The following MYO15A variants were observed in gnomAD, a reference collection of about 807,000 sequenced individuals.
MYO15A encodes myosin XVA.
MYO15A carries 308 observed loss-of-function variants against 394.6 expected under a neutral mutation model. The ratio of observed to expected loss-of-function variants is 0.78; its 90% CI spans 0.71 to 0.86. The LOEUF is 0.86. Among genes scored for constraint, MYO15A ranks in the 40% least tolerant of loss-of-function variants. MYO15A has a pLI of 0.00. For missense variants in MYO15A, 4,606 were observed against 4,799.1 expected (o/e 0.96, Z 1.19); for synonymous variants, 1,957 against 2,003.8 (o/e 0.98, Z 0.62).
At chr17:18,154,012 G>A in intron 43 of MYO15A, 116 bp downstream of exon 43, 2 of 1,603,296 alleles carry the variant, frequency 1.2e-6, no homozygotes, top group Non-Finnish European at 8.5e-7. Context: ...GAAAAAGGCC[G>A]GGCTGAAACC....
At position 18,150,299 on chromosome 17, in the gene MYO15A, A is replaced by T; in HGVS notation, c.7213-130A>T. 1.3e-6 allele frequency: 1 copy of T among 789,762 alleles called. No individual in the cohort carries two copies. The highest frequency in any genetic ancestry group is 2.2e-6 in the Non-Finnish European group (1 of 452,516). 48.9% of individuals were successfully genotyped at this position (789,762 alleles called of 1,614,324 possible). A position where few individuals can be genotyped will look rare whatever the true frequency, so the allele number is the denominator to read the frequency against. On this transcript the variant is annotated intron_variant, in intron 35 of 65. Transcript: ENST00000647165. This position sits in a 1 kb window ranked among gnomAD's most constrained non-coding sequence, Gnocchi z 4.4. ...GGGGTAAAGGCTGAGCATACAGCAG[A>T]CACTGAGCCAGTGGGAGGCTGCCCC... is the stretch of plus-strand genomic sequence containing the variant.
intron 56 of MYO15A, 109 bp downstream of exon 56, chr17:18,160,126 C>A: frequency 9.4e-7 from 1 of 1,068,644 alleles, no homozygotes; most frequent in Non-Finnish European, 1.4e-6. Flanking sequence ...GATTATCTTC[C>A]TCTCACCCTC....
intron 65 of MYO15A, 57 bp from the exon 66 acceptor site, chr17:18,178,712 C>T: frequency 1.3e-6 from 2 of 1,542,580 alleles, no homozygotes; most frequent in Non-Finnish European, 1.8e-6. Context: ...ACTTCCCACC[C>T]CAAGGTAAGA....
chr17:18,154,320 G>A, intron 44 of MYO15A, 130 bp downstream of exon 44: 1 of 1,096,420 alleles, frequency 9.1e-7, no homozygotes, highest in Admixed American at 1.9e-5. Context: ...AGGATGGGCA[G>A]CTGTTTTATT....
chr17:18,174,030 A>G (rs1284202052), intron 65 of MYO15A, 109 bp downstream of exon 65: 2 of 1,450,038 alleles, frequency 1.4e-6, no homozygotes, highest in Non-Finnish European at 1.9e-6. Flanking sequence ...AGGCCAGTGC[A>G]TGGGACAGAA....
Position 18,163,818 on chromosome 17 carries a change from T to C in MYO15A, c.9767T>C (p.Ile3256Thr), listed in dbSNP as rs758768524. The C allele has an allele frequency of 2.0e-5, 33 of 1,613,894 alleles. No individual in the cohort carries two copies. Among genetic ancestry groups the C allele is most frequent in the Non-Finnish European group, 2.6e-5 (31 of 1,179,946 alleles). The change falls in exon 60 of 66, where the codon ATC becomes ACC. Residue 3256 changes from isoleucine (I) to threonine (T), a missense_variant. Around this residue, in one of 2 missense-constraint regions of MYO15A, gnomAD observed 2,776 missense variants for 3,109.3 expected, o/e 0.89. Coordinates refer to ENST00000647165, the MANE Select transcript of MYO15A (RefSeq NM_016239.4). ...CCTGAGGCCTTCAATGAATATGTTA[T>C]CTTCGTTGTCACCAACCGTGGTGAG... ...TRPEAFNEYV[I>T]FVVTNRGQHV...
chr17:18,179,026 C>T lies in MYO15A; in HGVS notation c.*156C>T. ...GAGGAGCAACTCAAATCCCCAAGAA[C>T]ACAAGAAGACCCATCCTGAACTGGG... On this transcript the variant is annotated 3_prime_UTR_variant, in exon 66 of 66. Coordinates refer to ENST00000647165, the MANE Select transcript of MYO15A (RefSeq NM_016239.4). 1.4e-6 allele frequency: 1 copy of T among 732,738 alleles called. No individual in the cohort carries two copies. The highest frequency in any genetic ancestry group is 2.4e-6 in the Non-Finnish European group (1 of 424,650). The allele number at this position is 732,738 out of a possible 1,614,324, so 45.4% of individuals were successfully genotyped here. A position where few individuals can be genotyped will look rare whatever the true frequency, so the allele number is the denominator to read the frequency against.
chr17:18,159,503 C>T (rs993383446), intron 54 of MYO15A, 103 bp from the exon 55 acceptor site: 7 of 1,497,632 alleles, frequency 4.7e-6, no homozygotes, highest in Non-Finnish European at 1.8e-6. Context: ...TCCCAGCTGC[C>T]TGTGGCCAAG....
rs760155856 is a variant in MYO15A at position 18,157,188 on chromosome 17, G to A, written c.8746G>A (p.Val2916Met). 6.2e-7 allele frequency: 1 copy of A among 1,610,832 alleles called. No individual in the cohort carries two copies. The highest frequency in any genetic ancestry group is 1.1e-5 in the South Asian group (1 of 90,502). Residue 2916 changes from valine (V) to methionine (M), a missense_variant, in exon 50 of 66, where the codon GTG becomes ATG. Physicochemically the swap from Val to Met is conservative, Grantham distance 21. Transcript: ENST00000647165. ...YSAGCVVRRKVVYLEELRRRG... is the reference protein window; with the variant it reads ...YSAGCVVRRKMVYLEELRRRG... ...TGCTGGCTGCGTGGTTCGCAGGAAG[G>A]TGGTGTACCTGGAGGAGCTGCGACG...
chr17:18,129,152 T>C (rs2046107010), intron 7 of MYO15A, among the ~76,000 whole-genome samples: 1 of 152,180 alleles, frequency 6.6e-6, no homozygotes, highest in South Asian at 2.1e-4. Flanking sequence ...AAATGAAACA[T>C]TCAGAGCTCC....
Position 18,178,943 on chromosome 17 carries a change from T to A in MYO15A, c.*73T>A. 1 of 1,451,868 alleles carries A rather than the reference T, an allele frequency of 6.9e-7. No individual in the cohort carries two copies. Among genetic ancestry groups the A allele is most frequent in the Non-Finnish European group, 9.5e-7 (1 of 1,052,150 alleles). The allele number at this position is 1,451,868 out of a possible 1,614,324, so 89.9% of individuals were successfully genotyped here. ...GGCCTCAGAGAAATCACTGAACCTC[T>A]CAGGATCAATGACCCCTGTAAGGGG... On this transcript the variant is annotated 3_prime_UTR_variant, in exon 66 of 66. Coordinates refer to ENST00000647165, the MANE Select transcript of MYO15A (RefSeq NM_016239.4).
Position 18,118,840 on chromosome 17 carries a change from G to A in MYO15A, c.40G>A (p.Gly14Arg). ...EEDEEKKAKKGKKGKKAPEPE... is the reference protein window; with the variant it reads ...EEDEEKKAKKRKKGKKAPEPE... ...AGATGAGGAGAAGAAAGCCAAGAAAGGGAAGAAGGGGAAGAAGGCACCGGA... is the reference window on the plus strand; with the variant it reads ...AGATGAGGAGAAGAAAGCCAAGAAAAGGAAGAAGGGGAAGAAGGCACCGGA... The change falls in exon 2 of 66, where the codon GGG (glycine) becomes AGG (arginine). Residue 14 changes from glycine (G) to arginine (R), a missense_variant. This residue lies in a region of MYO15A where 1,830 missense variants were observed against 1,689.7 expected (regional missense o/e 1.08). Transcript: ENST00000647165. 1.9e-6 allele frequency: 3 copies of A among 1,611,008 alleles called. No individual in the cohort carries two copies. The highest frequency in any genetic ancestry group is 3.4e-5 in the Admixed American group (2 of 59,564).
At chr17:18,158,489 G>T in intron 51 of MYO15A, 34 bp from the exon 52 acceptor site, 1 of 1,591,116 alleles carries the variant, frequency 6.3e-7, no homozygotes, top group South Asian at 1.1e-5. Flanking sequence ...TGGTGTGGCC[G>T]GACTGGGCCT....
Position 18,132,613 on chromosome 17 carries a change from C to T in MYO15A, c.4320+47C>T. ...AAGGCCCCTGGCCCTGGTCCTCCCACCCCGACGCCCCTGGCTGGGCCTTGG... is the reference window on the plus strand; with the variant it reads ...AAGGCCCCTGGCCCTGGTCCTCCCATCCCGACGCCCCTGGCTGGGCCTTGG... On this transcript the variant is annotated intron_variant, in intron 11 of 65. Transcript: ENST00000647165. The surrounding 1 kb of genome is among the most constrained non-coding windows in gnomAD (Gnocchi z 4.6). 1 of 1,511,752 alleles carries T rather than the reference C, an allele frequency of 6.6e-7. No homozygotes were observed. The highest frequency in any genetic ancestry group is 9.1e-7 in the Non-Finnish European group (1 of 1,097,922). The allele number at this position is 1,511,752 out of a possible 1,614,324, so 93.6% of individuals were successfully genotyped here.
intron 12 of MYO15A, 103 bp downstream of exon 12, chr17:18,133,489 T>A (rs2046207214): frequency 1.4e-6 from 2 of 1,431,180 alleles, no homozygotes; most frequent in Non-Finnish European, 1.9e-6. Flanking sequence ...TATGCACATA[T>A]CACTTGTTCC....
rs755978200 is a variant in MYO15A at position 18,167,742 on chromosome 17, G to A, written c.10082+19G>A. 2.5e-6 allele frequency: 4 copies of A among 1,601,446 alleles called. No individual in the cohort carries two copies. In the African/African-American group the frequency reaches 5.3e-5, roughly 21 times the overall value. On this transcript the variant is annotated intron_variant, in intron 62 of 65. Coordinates refer to ENST00000647165, the MANE Select transcript of MYO15A (RefSeq NM_016239.4). ...CGAGCGTGTGAGCATCTGCCCTCCTGCCTCAGCTGGGGTGGACAGGCAACC... is the reference window on the plus strand; with the variant it reads ...CGAGCGTGTGAGCATCTGCCCTCCTACCTCAGCTGGGGTGGACAGGCAACC...
intron 18 of MYO15A, chr17:18,139,291 C>A: frequency 3.2e-6 from 2 of 618,902 alleles, no homozygotes; most frequent in Admixed American, 5.2e-5. Flanking sequence ...TGCCTCTGTC[C>A]CCATCCGGGC....
chr17:18,122,137 C>T lies in MYO15A; in HGVS notation c.3337C>T (p.Arg1113Cys), dbSNP rs772777538. 8 of 1,612,904 alleles carry T rather than the reference C, an allele frequency of 5.0e-6. No homozygotes were observed. Among genetic ancestry groups the T allele is most frequent in the Admixed American group, 1.7e-5 (1 of 60,008 alleles). ...GGERRQAAPG[R>C]FAVVMPRVQK... ...TGAACGGCGCCAGGCAGCCCCTGGG[C>T]GTTTTGCTGTGGTCATGCCTCGTGT... Residue 1113 changes from arginine to cysteine, a missense_variant, in exon 2 of 66, where the codon CGT (arginine) becomes TGT (cysteine). Physicochemically the swap from Arg to Cys is radical, Grantham distance 180. Transcript: ENST00000647165.
rs763075073 is a variant in MYO15A, at chr17:18,121,477, C to T, written c.2677C>T (p.Arg893Ter). Reference sequence around the variant, plus strand: ...GCCGCAAGTGCGCCTGCCCTTCCACCGACCGCCCAGGGCCGGGGCCTGGCG... The same window carrying T: ...GCCGCAAGTGCGCCTGCCCTTCCACTGACCGCCCAGGGCCGGGGCCTGGCG... ...VKPQVRLPFH[R>*]PPRAGAWRAP... Residue 893 changes from arginine (R) to a stop codon, truncating the protein, a stop_gained, in exon 2 of 66, where the codon CGA becomes TGA. Transcript: ENST00000647165. LOFTEE classifies it high-confidence loss of function. This position sits in a 1 kb window ranked among gnomAD's most constrained non-coding sequence, Gnocchi z 5.3. The T allele has an allele frequency of 1.9e-5, 29 of 1,550,356 alleles. No individual in the cohort carries two copies. Among genetic ancestry groups the T allele is most frequent in the Non-Finnish European group, 2.3e-5 (26 of 1,147,436 alleles).
Sources: gnomAD v4.1 joint callset for allele counts (sites outside exome capture counted in the v4.1 genomes callset) on GRCh38, gnomAD v4.1.1 for gene constraint, gnomAD v4.1.1 regional missense constraint, Gnocchi (gnomAD v3.1) non-coding constraint, MANE v1.5 for transcripts, NCBI Gene and HGNC (gene_info 2026-07-23, HGNC 2026-07-21) for gene names.